LMO7: variants seen among roughly 807,000 people sequenced by gnomAD.
LMO7 encodes the protein LIM domain 7, also known as LIM domain only protein 7.
Under a neutral mutation model 206.5 loss-of-function variants are expected in LMO7, and 120 were observed. The observed-to-expected ratio is 0.58, with a 90% CI of 0.50 to 0.68. LMO7 has a LOEUF of 0.68. Among genes scored for constraint, LMO7 ranks in the 30% least tolerant of loss-of-function variants. The probability of loss-of-function intolerance (pLI) is 0.00; values close to 1 mark genes in which losing one functional copy is unlikely to be tolerated. For synonymous variants in LMO7, 706 were observed against 681.5 expected, an observed-to-expected ratio of 1.04 and a Z score of -0.56; for missense variants, 1,959 against 1,957.9, an observed-to-expected ratio of 1.00 and a Z score of -0.01.
chr13:75,839,544 G>A (rs1475029967), intron 20 of LMO7, among the ~76,000 whole-genome samples: 3 of 152,250 alleles, frequency 2.0e-5, no homozygotes, highest in Non-Finnish European at 2.9e-5. Flanking sequence ...GTTTGAATAC[G>A]TGTGTTTCAA....
At chr13:75,785,555 CCTT>C (rs2052296970) in intron 4 of LMO7, among the ~76,000 whole-genome samples, 1 of 152,058 alleles carries the variant, frequency 6.6e-6, no homozygotes, top group Non-Finnish European at 1.5e-5. Flanking sequence ...ATACTAGTGT[CCTT>C]AAGATTTTTA....
At chr13:75,827,496 C>G (rs1396579256) in intron 15 of LMO7, among the ~76,000 whole-genome samples, 1 of 152,196 alleles carries the variant, frequency 6.6e-6, no homozygotes, top group Non-Finnish European at 1.5e-5. Context: ...ATCCTCATAG[C>G]TGAGCTGGGG....
At chr13:75,646,129 G>GCTAA (rs1161662601) in intron 1 of LMO7, among the ~76,000 whole-genome samples, 2 of 152,076 alleles carry the variant, frequency 1.3e-5, no homozygotes, top group Non-Finnish European at 2.9e-5. Flanking sequence ...CTTAGCAAAT[G>GCTAA]GCATCATTGT....
At chr13:75,825,638 A>G (rs964731355) in intron 15 of LMO7, among the ~76,000 whole-genome samples, 1 of 152,106 alleles carries the variant, frequency 6.6e-6, no homozygotes, top group Non-Finnish European at 1.5e-5. Context: ...GATATAATTC[A>G]TGTGGTGACT....
At position 75,636,642 on chromosome 13, in the gene LMO7, C is replaced by G. The variant is rs2035897669; in HGVS notation, c.-16C>G. 1 of 1,584,690 alleles carries G rather than the reference C, an allele frequency of 6.3e-7. No individual in the cohort carries two copies. The highest frequency in any genetic ancestry group is 8.6e-7 in the Non-Finnish European group (1 of 1,165,846). On this transcript the variant is annotated 5_prime_UTR_variant, in exon 1 of 31. Coordinates refer to ENST00000377534, the MANE Select transcript of LMO7 (RefSeq NM_001306080.2). ...CCACGCATCCCGAGTCTCTCTCTCC[C>G]TCCCTTGTCCTAGCCATGGAAGGGC...
chr13:75,809,212 CT>C (rs1330216935), intron 11 of LMO7, 29 bp downstream of exon 11: 1 of 1,593,996 alleles, frequency 6.3e-7, no homozygotes, highest in Non-Finnish European at 8.6e-7. Context: ...AGTAAAAAAT[CT>C]GTGCGTGTTG....
chr13:75,643,045 T>C (rs1414917558), intron 1 of LMO7, among the ~76,000 whole-genome samples: 1 of 152,212 alleles, frequency 6.6e-6, no homozygotes, highest in Non-Finnish European at 1.5e-5. Context: ...GCACAAATCC[T>C]TAAAACTTCT....
intron 7 of LMO7, among the ~76,000 whole-genome samples, chr13:75,802,552 A>C (rs2054892211): frequency 6.6e-6 from 1 of 152,244 alleles, no homozygotes; most frequent in Non-Finnish European, 1.5e-5. Flanking sequence ...GTTCAGATGC[A>C]GTGGCCCACC....
Position 75,686,408 on chromosome 13 carries a change from A to T in LMO7, c.70-26774A>T, listed in dbSNP as rs141547326. ...AGCATGGGAAAGACTTCCCCACATG[A>T]TTCAATTATCTCCCACCTGGTCCCT... On this transcript the variant is annotated intron_variant, in intron 1 of 30. Transcript: ENST00000377534. 1.7e-3 allele frequency among the ~76,000 whole-genome samples: 264 copies of T among 152,120 alleles called. 1 individual carries two copies. The highest frequency in any genetic ancestry group is 5.4e-3 in the African/African-American group (224 of 41,500).
At chr13:75,780,841 G>C (rs1184787104) in intron 4 of LMO7, among the ~76,000 whole-genome samples, 1 of 152,122 alleles carries the variant, frequency 6.6e-6, no homozygotes, top group Non-Finnish European at 1.5e-5. Context: ...GGCTTCAGCT[G>C]GTCCCTTCGT....
rs148006700 is a variant in LMO7 at position 75,817,153 on chromosome 13, T to C, written c.1947-8T>C. The C allele has an allele frequency of 2.0e-4, 320 of 1,602,382 alleles. No individual in the cohort carries two copies. In the African/African-American group the frequency reaches 3.4e-3, roughly 17 times the overall value. Reference sequence around the variant, plus strand: ...CTTCCGTAGTAACCATGAGTCTTTTTGTTGTAGGAGTAAGTCCATGAGTGA... The same window carrying C: ...CTTCCGTAGTAACCATGAGTCTTTTCGTTGTAGGAGTAAGTCCATGAGTGA... On this transcript the variant is annotated splice_polypyrimidine_tract_variant and splice_region_variant and intron_variant, in intron 11 of 30. Transcript: ENST00000377534.
intron 1 of LMO7, among the ~76,000 whole-genome samples, chr13:75,692,562 T>G (rs2041578860): frequency 6.6e-6 from 1 of 152,060 alleles, no homozygotes; most frequent in Non-Finnish European, 1.5e-5. Flanking sequence ...ATCTTTTTAA[T>G]TTTTTTGTAC....
At chr13:75,753,433 T>C (rs1214385853) in intron 3 of LMO7, among the ~76,000 whole-genome samples, 3 of 152,230 alleles carry the variant, frequency 2.0e-5, no homozygotes, top group African/African-American at 7.2e-5. Context: ...TGTCTATTCT[T>C]GTTTTTGTTG....
intron 3 of LMO7, among the ~76,000 whole-genome samples, chr13:75,744,421 T>C (rs1314275661): frequency 2.0e-5 from 3 of 152,248 alleles, no homozygotes; most frequent in Non-Finnish European, 4.4e-5. Context: ...GCAACTTTTT[T>C]TTTGAACGTT....
chr13:75,717,362 CAAAAAAAAAAA>C (rs55749528), intron 2 of LMO7, among the ~76,000 whole-genome samples: 4 of 90,798 alleles, frequency 4.4e-5, no homozygotes, highest in Non-Finnish European at 4.5e-5. Flanking sequence ...GACTCCGTCT[CAAAAAAAAAAA>C]AAAAAAAACA....
chr13:75,669,765 T>C (rs553960907), intron 1 of LMO7, among the ~76,000 whole-genome samples: 1 of 152,298 alleles, frequency 6.6e-6, no homozygotes, highest in African/African-American at 2.4e-5. Flanking sequence ...ATGAGCTCCA[T>C]GAGAATAGGG....
intron 3 of LMO7, among the ~76,000 whole-genome samples, chr13:75,735,114 T>C (rs61958149): frequency 1.7e-5 from 2 of 115,616 alleles, no homozygotes; most frequent in Non-Finnish European, 3.9e-5. Context: ...AAAAAAAAAT[T>C]ACGTGTGTGT....
At chr13:75,767,859 T>C (rs2049101902) in intron 4 of LMO7, among the ~76,000 whole-genome samples, 1 of 152,092 alleles carries the variant, frequency 6.6e-6, no homozygotes, top group South Asian at 2.1e-4. Flanking sequence ...GACAGATTAC[T>C]TTTCCTCCCT....
chr13:75,804,323 T>C lies in LMO7; in HGVS notation c.696T>C (p.Phe232=), dbSNP rs625033. 0.92 allele frequency: 1,487,950 copies of C among 1,613,188 alleles called. 686,807 individuals are homozygous for C. The highest frequency in any genetic ancestry group is 1 in the East Asian group (44,852 of 44,858). The change falls in exon 8 of 31, where the codon TTT becomes TTC. Residue 232 remains phenylalanine, a synonymous_variant. Coordinates refer to ENST00000377534, the MANE Select transcript of LMO7 (RefSeq NM_001306080.2). ...GTGACACAGATTCGGAATTTACATT[T>C]AAGATGCAGGATTATAATAAAGATG... ...FESDTDSEFT[F]KMQDYNKDDM...
Sources: allele counts gnomAD v4.1 joint callset (sites outside exome capture counted in the v4.1 genomes callset), GRCh38; gene constraint gnomAD v4.1.1; transcripts MANE v1.5; gene names NCBI Gene and HGNC (gene_info 2026-07-23, HGNC 2026-07-21).